PHKB: variants seen among roughly 807,000 people sequenced by gnomAD.
PHKB encodes phosphorylase b kinase regulatory subunit beta.
PHKB carries 122 observed loss-of-function variants against 152.1 expected under a neutral mutation model. That is an observed-to-expected ratio of 0.80 (90% CI 0.69 to 0.93). PHKB has a LOEUF of 0.93. Among genes scored for constraint, PHKB ranks in the 40% least tolerant of loss-of-function variants. PHKB has a pLI of 0.00. For missense variants in PHKB, 1,304 were observed against 1,328.4 expected (o/e 0.98, Z 0.29); for synonymous variants, 436 against 464.9 (o/e 0.94, Z 0.80).
At chr16:47,583,462 C>T (rs1971883331) in intron 8 of PHKB, among the ~76,000 whole-genome samples, 1 of 152,174 alleles carries the variant, frequency 6.6e-6, no homozygotes, top group African/African-American at 2.4e-5. Context: ...TCCATAGAAA[C>T]CACCTCAAGA....
chr16:47,698,321 C>G, intron 29 of PHKB, 127 bp from the exon 30 acceptor site: 1 of 767,894 alleles, frequency 1.3e-6, no homozygotes, highest in East Asian at 2.5e-5. Context: ...AGATTCCTTC[C>G]ATAGGTGATC....
chr16:47,580,504 T>G (rs1193675344), intron 8 of PHKB, 146 bp downstream of exon 8: 1 of 578,580 alleles, frequency 1.7e-6, no homozygotes, highest in Non-Finnish European at 3.1e-6. Flanking sequence ...CCTTTGAAAA[T>G]GATTTGCCAG....
At chr16:47,662,460 G>T (rs1047925508) in intron 23 of PHKB, among the ~76,000 whole-genome samples, 2 of 152,156 alleles carry the variant, frequency 1.3e-5, no homozygotes, top group Non-Finnish European at 2.9e-5. Context: ...AAAATGTTTG[G>T]CTTATTTGAA....
At chr16:47,463,052 G>A (rs777323987) in intron 1 of PHKB, 1 of 152,564 alleles carries the variant, frequency 6.6e-6, no homozygotes, top group Non-Finnish European at 1.5e-5. Context: ...AGTGTTATTG[G>A]ATTGGTTATG....
chr16:47,499,770 C>CT lies in PHKB; in HGVS notation c.182dup (p.Leu62AlafsTer13). The CT allele has an allele frequency of 6.2e-7, 1 of 1,614,172 alleles. No homozygotes were observed. Among genetic ancestry groups the CT allele is most frequent in the Non-Finnish European group, 8.5e-7 (1 of 1,180,002 alleles). ...CTCAATTGCAGTCAAGTCAACATTG[C>CT]TGCTGTATCAAAGTCCAACTACCGG... On this transcript the variant is annotated frameshift_variant, in exon 3 of 31. Transcript: ENST00000323584. LOFTEE classifies it high-confidence loss of function.
intron 26 of PHKB, among the ~76,000 whole-genome samples, chr16:47,678,455 C>T (rs1236828601): frequency 1.4e-4 from 21 of 152,112 alleles, no homozygotes; most frequent in Middle Eastern, 3.4e-3. Flanking sequence ...TTTTAATGAT[C>T]GCCATTCTAA....
At chr16:47,588,566 T>C (rs1204689247) in intron 9 of PHKB, among the ~76,000 whole-genome samples, 1 of 152,206 alleles carries the variant, frequency 6.6e-6, no homozygotes, top group Non-Finnish European at 1.5e-5. Flanking sequence ...ACTCAACTAA[T>C]TGTTGGACAT....
chr16:47,670,115 AG>A (rs1403353063), intron 26 of PHKB, among the ~76,000 whole-genome samples: 1 of 152,252 alleles, frequency 6.6e-6, no homozygotes, highest in Non-Finnish European at 1.5e-5. Context: ...ATGTTTTAAA[AG>A]TCTATGACAA....
chr16:47,608,357 T>A (rs1400729898), intron 13 of PHKB, among the ~76,000 whole-genome samples: 7 of 152,228 alleles, frequency 4.6e-5, no homozygotes, highest in Non-Finnish European at 1.0e-4. Flanking sequence ...TTATATATGG[T>A]GTGAGGAAAA....
At chr16:47,494,960 A>T (rs1970207263) in intron 1 of PHKB, among the ~76,000 whole-genome samples, 1 of 152,194 alleles carries the variant, frequency 6.6e-6, no homozygotes, top group African/African-American at 2.4e-5. Flanking sequence ...TTATGTAGTT[A>T]CTTTAGAAAC....
chr16:47,597,322 T>A (rs544152272), intron 13 of PHKB, among the ~76,000 whole-genome samples: 23 of 152,310 alleles, frequency 1.5e-4, no homozygotes, highest in Non-Finnish European at 2.9e-4. Context: ...CTAATAAATT[T>A]GTGCCGTAAG....
At position 47,597,636 on chromosome 16, in the gene PHKB, G is replaced by A. The variant is rs919487212; in HGVS notation, c.1363+1105G>A. ...GCTTTCCTTTTAGAATTTCCAAAGC[G>A]GGGGGGAAAGACACATGAAATAGTT... On this transcript the variant is annotated intron_variant, in intron 13 of 30. Coordinates refer to ENST00000323584, the MANE Select transcript of PHKB (RefSeq NM_000293.3). Among the ~76,000 whole-genome samples the A allele has an allele frequency of 6.6e-5, 10 of 150,998 alleles. No individual in the cohort carries two copies. The South Asian group carries it at 1.0e-3, about 16-fold the overall frequency.
chr16:47,608,173 A>G (rs568882072), intron 13 of PHKB, among the ~76,000 whole-genome samples: 1 of 152,310 alleles, frequency 6.6e-6, no homozygotes, highest in African/African-American at 2.4e-5. Context: ...TTGAGGCACC[A>G]GAAAGTTATA....
At chr16:47,673,512 T>C (rs1237543728) in intron 26 of PHKB, among the ~76,000 whole-genome samples, 1 of 152,162 alleles carries the variant, frequency 6.6e-6, no homozygotes, top group Admixed American at 6.6e-5. Flanking sequence ...TCCATTCATA[T>C]ATACAGAAGA....
chr16:47,487,318 C>A (rs1465069522), intron 1 of PHKB, among the ~76,000 whole-genome samples: 3 of 152,112 alleles, frequency 2.0e-5, no homozygotes, highest in African/African-American at 7.2e-5. Context: ...TTGTAAACAT[C>A]ATATGCCTGT....
intron 7 of PHKB, among the ~76,000 whole-genome samples, chr16:47,573,104 C>T (rs1971690564): frequency 1.3e-5 from 2 of 152,156 alleles, no homozygotes; most frequent in Admixed American, 1.3e-4. Flanking sequence ...GCCCCCAATA[C>T]CAGACTGGCT....
At chr16:47,503,453 G>T (rs1970357710) in intron 4 of PHKB, among the ~76,000 whole-genome samples, 1 of 152,154 alleles carries the variant, frequency 6.6e-6, no homozygotes, top group African/African-American at 2.4e-5. Flanking sequence ...CATGTGAATT[G>T]CTCTGGCTTA....
Position 47,686,756 on chromosome 16 carries a change from T to G in PHKB, c.2631-2285T>G, listed in dbSNP as rs187852214. Among the ~76,000 whole-genome samples, 34 of 152,350 alleles carry G rather than the reference T, an allele frequency of 2.2e-4. No individual in the cohort carries two copies. In the East Asian group the frequency reaches 6.4e-3, roughly 28 times the overall value. ...GCTATATTTGCTTTATCTTTTATTT[T>G]GCTATAGTATACTATGAAGCAAATC... On this transcript the variant is annotated intron_variant, in intron 26 of 30. Transcript: ENST00000323584.
intron 23 of PHKB, 132 bp from the exon 24 acceptor site, chr16:47,663,545 G>A (rs1452914525): frequency 2.8e-6 from 2 of 724,158 alleles, no homozygotes; most frequent in African/African-American, 3.5e-5. Context: ...AAATATGTTA[G>A]TTCAGAACAT....
Sources: gnomAD v4.1 joint callset for allele counts (sites outside exome capture counted in the v4.1 genomes callset) on GRCh38, gnomAD v4.1.1 for gene constraint, MANE v1.5 for transcripts, NCBI Gene and HGNC (gene_info 2026-07-23, HGNC 2026-07-21) for gene names.